The following MACROD2 variants were observed in gnomAD, a reference collection of about 807,000 sequenced individuals.
MACROD2 encodes the protein ADP-ribose glycohydrolase MACROD2.
In MACROD2, 36 loss-of-function variants were observed where a neutral mutation model predicts 70.4. The ratio of observed to expected loss-of-function variants is 0.51; its 90% confidence interval spans 0.39 to 0.68. The LOEUF is 0.68. Ranked by LOEUF, MACROD2 falls within the 30% of genes least tolerant of loss-of-function variation. MACROD2 has a pLI of 0.00. For synonymous variants in MACROD2, 172 were observed against 178.8 expected (o/e 0.96, Z 0.30); for missense variants, 496 against 538.4 (o/e 0.92, Z 0.78).
intron 5 of MACROD2, among the ~76,000 whole-genome samples, chr20:15,141,393 C>T (rs1225925880): frequency 6.6e-6 from 1 of 151,648 alleles, no homozygotes; most frequent in African/African-American, 2.4e-5. Context: ...TATAGATATA[C>T]ACGTGTTTGC....
chr20:14,155,184 C>T (rs55847317), intron 3 of MACROD2, among the ~76,000 whole-genome samples: 5 of 152,134 alleles, frequency 3.3e-5, no homozygotes, highest in Non-Finnish European at 5.9e-5. Context: ...TATATACATG[C>T]ATTTATGTAG....
intron 5 of MACROD2, among the ~76,000 whole-genome samples, chr20:14,968,420 A>G (rs2074658383): frequency 6.6e-6 from 1 of 152,170 alleles, no homozygotes; most frequent in Non-Finnish European, 1.5e-5. Context: ...GGTTAGCATC[A>G]TCTGGGGAGA....
At chr20:14,779,315 CTCT>C (rs1568791035) in intron 5 of MACROD2, among the ~76,000 whole-genome samples, 1 of 152,126 alleles carries the variant, frequency 6.6e-6, no homozygotes, top group Non-Finnish European at 1.5e-5. Flanking sequence ...ATTTTCTTCT[CTCT>C]TCTTAGACAC....
At chr20:15,345,218 A>T (rs1219734552) in intron 6 of MACROD2, among the ~76,000 whole-genome samples, 1 of 152,172 alleles carries the variant, frequency 6.6e-6, no homozygotes, top group Non-Finnish European at 1.5e-5. Context: ...GAATTTTGGG[A>T]TGACATAGTT....
At chr20:15,565,209 A>G (rs1214587271) in intron 8 of MACROD2, among the ~76,000 whole-genome samples, 1 of 152,220 alleles carries the variant, frequency 6.6e-6, no homozygotes, top group Admixed American at 6.5e-5. Flanking sequence ...CATCTTACAG[A>G]TTACCAACAG....
intron 4 of MACROD2, among the ~76,000 whole-genome samples, chr20:14,513,183 G>C (rs939020109): frequency 8.5e-5 from 13 of 152,138 alleles, no homozygotes; most frequent in African/African-American, 3.1e-4. Context: ...ACATGAATGA[G>C]AAACATCATT....
chr20:15,717,406 G>A (rs1391018483), intron 8 of MACROD2, among the ~76,000 whole-genome samples: 1 of 151,914 alleles, frequency 6.6e-6, no homozygotes, highest in African/African-American at 2.4e-5. Context: ...TAGAGCTGTT[G>A]TGTTCACTGG....
chr20:14,311,740 A>T (rs1377020625), intron 3 of MACROD2, among the ~76,000 whole-genome samples: 1 of 151,448 alleles, frequency 6.6e-6, no homozygotes, highest in East Asian at 1.9e-4. Context: ...CTGGTGTTGA[A>T]CTCCTGACCT....
chr20:14,524,125 G>A (rs1186503597), intron 4 of MACROD2, among the ~76,000 whole-genome samples: 1 of 152,110 alleles, frequency 6.6e-6, no homozygotes. Context: ...AAAGCAAAAG[G>A]GAACGGTATT....
intron 5 of MACROD2, among the ~76,000 whole-genome samples, chr20:15,099,961 G>GA (rs528953317): frequency 2.1e-4 from 32 of 150,676 alleles, no homozygotes; most frequent in African/African-American, 3.9e-4. Flanking sequence ...AAAAGAAAAA[G>GA]AAAAAAAAAG....
chr20:14,466,357 G>A (rs1048734322), intron 3 of MACROD2, among the ~76,000 whole-genome samples: 2 of 152,072 alleles, frequency 1.3e-5, no homozygotes, highest in Admixed American at 6.5e-5. Context: ...TTGTCACGTA[G>A]TTTTTGTGCC....
At chr20:15,944,028 A>AT (rs2065786740) in intron 12 of MACROD2, among the ~76,000 whole-genome samples, 1 of 152,032 alleles carries the variant, frequency 6.6e-6, no homozygotes, top group African/African-American at 2.4e-5. Flanking sequence ...GTGTCATAAT[A>AT]TTTTATCATC....
At chr20:15,536,757 T>C (rs1233732) in intron 8 of MACROD2, among the ~76,000 whole-genome samples, 22,570 of 152,210 alleles carry the variant, frequency 0.15, 3,648 homozygotes, top group African/African-American at 0.4. Flanking sequence ...TTCTGGTGGT[T>C]CTGAGCTTTA....
At chr20:15,321,277 A>G (rs2077871618) in intron 6 of MACROD2, among the ~76,000 whole-genome samples, 1 of 143,476 alleles carries the variant, frequency 7.0e-6, no homozygotes, top group Non-Finnish European at 1.6e-5. Flanking sequence ...TCTAACTTGC[A>G]TTTACCCTTC....
At chr20:15,040,840 C>T (rs1425209037) in intron 5 of MACROD2, among the ~76,000 whole-genome samples, 3 of 152,146 alleles carry the variant, frequency 2.0e-5, no homozygotes, top group African/African-American at 7.2e-5. Context: ...AGAGTCTTGG[C>T]TTTTAACATT....
chr20:15,107,740 T>C (rs1035242957), intron 5 of MACROD2, among the ~76,000 whole-genome samples: 1 of 152,322 alleles, frequency 6.6e-6, no homozygotes, highest in East Asian at 1.9e-4. Flanking sequence ...AACAGCAGAA[T>C]ACATTACTTC....
intron 6 of MACROD2, among the ~76,000 whole-genome samples, chr20:15,303,676 C>T (rs984562125): frequency 1.3e-5 from 2 of 152,188 alleles, no homozygotes; most frequent in Non-Finnish European, 2.9e-5. Flanking sequence ...CACTCAGAAC[C>T]ATTTATCAGT....
At chr20:14,138,439 G>A (rs1386542036) in intron 3 of MACROD2, among the ~76,000 whole-genome samples, 3 of 152,032 alleles carry the variant, frequency 2.0e-5, no homozygotes, top group South Asian at 2.1e-4. Flanking sequence ...TAAAAAAAAG[G>A]AAATTTCTGT....
intron 8 of MACROD2, among the ~76,000 whole-genome samples, chr20:15,809,589 C>T (rs2147084349): frequency 6.6e-6 from 1 of 152,238 alleles, no homozygotes; most frequent in African/African-American, 2.4e-5. Flanking sequence ...AACCAACTCT[C>T]ACAGGAACTA....
Sources: allele counts gnomAD v4.1 joint callset (sites outside exome capture counted in the v4.1 genomes callset), GRCh38; gene constraint gnomAD v4.1.1; transcripts MANE v1.5; gene names NCBI Gene and HGNC (gene_info 2026-07-23, HGNC 2026-07-21).